Variants in NOL4 observed in about 807,000 individuals in gnomAD.
The protein encoded by NOL4 is nucleolar protein 4, also known as cancer/testis antigen 125.
A neutral mutation model predicts 75.9 loss-of-function variants in NOL4; 17 were observed. The observed-to-expected ratio is 0.22, with a 90% confidence interval of 0.15 to 0.34. The LOEUF (loss-of-function observed/expected upper bound fraction) is 0.34. Among genes scored for constraint, NOL4 ranks in the 10% least tolerant of loss-of-function variants. The pLI, the probability that NOL4 is intolerant of heterozygous loss-of-function variation, is 1.00. For synonymous variants in NOL4, 292 were observed against 289.9 expected, an observed-to-expected ratio of 1.01 and a Z score of -0.07; for missense variants, 614 against 793.5, an observed-to-expected ratio of 0.77 and a Z score of 2.72.
At chr18:33,997,161 C>A (rs1444127726) in intron 6 of NOL4, among the ~76,000 whole-genome samples, 1 of 151,612 alleles carries the variant, frequency 6.6e-6, no homozygotes, top group Non-Finnish European at 1.5e-5. Context: ...AATTTTTTGC[C>A]AAAGCGGATG....
At chr18:34,195,643 C>T (rs2035274018) in intron 1 of NOL4, among the ~76,000 whole-genome samples, 1 of 150,730 alleles carries the variant, frequency 6.6e-6, no homozygotes, top group Admixed American at 6.6e-5. Context: ...AAAAAAAAAG[C>T]TATTTAAATT....
chr18:34,156,041 T>G (rs1014790803), intron 1 of NOL4, among the ~76,000 whole-genome samples: 2 of 152,174 alleles, frequency 1.3e-5, no homozygotes, highest in African/African-American at 4.8e-5. Context: ...GATGCCTGTT[T>G]GTCAGAATAT....
At chr18:34,120,013 C>A (rs888841559) in intron 2 of NOL4, among the ~76,000 whole-genome samples, 5 of 152,112 alleles carry the variant, frequency 3.3e-5, no homozygotes, top group African/African-American at 1.2e-4. Context: ...TGGAGCCAAA[C>A]GTATTACAAA....
chr18:34,105,163 G>A lies in NOL4; in HGVS notation c.415-3C>T, dbSNP rs762174023. On this transcript the variant is annotated splice_region_variant and splice_polypyrimidine_tract_variant and intron_variant, in intron 2 of 10. Transcript: ENST00000261592. Reference sequence around the variant, plus strand: ...AGGAAGGCATAGCTCTCTGAAATCTGAAATGATTCACAAAATACAGGTGTT... The same window carrying A: ...AGGAAGGCATAGCTCTCTGAAATCTAAAATGATTCACAAAATACAGGTGTT... 1.3e-6 allele frequency: 2 copies of A among 1,577,070 alleles called. No individual in the cohort carries two copies. Among genetic ancestry groups the A allele is most frequent in the South Asian group, 1.1e-5 (1 of 90,330 alleles).
chr18:34,211,784 G>A (rs1326586639), intron 1 of NOL4, among the ~76,000 whole-genome samples: 2 of 152,040 alleles, frequency 1.3e-5, no homozygotes, highest in Non-Finnish European at 2.9e-5. Context: ...AGATAGAAAG[G>A]AAGAAAATCA....
chr18:34,022,104 C>CA (rs202197815), intron 5 of NOL4, among the ~76,000 whole-genome samples: 21,758 of 138,986 alleles, frequency 0.16, 1,676 homozygotes, highest in Middle Eastern at 0.23. Context: ...AACTGCATCT[C>CA]AAAAAAAATA....
At chr18:34,072,378 C>T (rs1051976975) in intron 5 of NOL4, among the ~76,000 whole-genome samples, 1 of 151,976 alleles carries the variant, frequency 6.6e-6, no homozygotes, top group Non-Finnish European at 1.5e-5. Context: ...CCCATAAAGA[C>T]CAATGGGTCA....
intron 5 of NOL4, among the ~76,000 whole-genome samples, chr18:34,024,977 C>A (rs1032094539): frequency 6.6e-6 from 1 of 151,988 alleles, no homozygotes; most frequent in African/African-American, 2.4e-5. Flanking sequence ...AGATGATATC[C>A]AACAACTACC....
intron 10 of NOL4, among the ~76,000 whole-genome samples, chr18:33,865,200 A>G (rs1258233810): frequency 6.6e-6 from 1 of 152,134 alleles, no homozygotes; most frequent in Non-Finnish European, 1.5e-5. Context: ...CAGTATCCTT[A>G]GGGACTTGGG....
chr18:34,021,947 T>C (rs567241509), intron 5 of NOL4, among the ~76,000 whole-genome samples: 1 of 151,890 alleles, frequency 6.6e-6, no homozygotes, highest in East Asian at 1.9e-4. Context: ...CTACTTAAAA[T>C]ACAAAAATTC....
intron 8 of NOL4, among the ~76,000 whole-genome samples, chr18:33,948,777 G>C (rs1363857733): frequency 2.0e-5 from 3 of 152,012 alleles, no homozygotes; most frequent in Admixed American, 1.3e-4. Context: ...GCCAAGTTTA[G>C]AGATTTGAAG....
chr18:33,959,088 G>C (rs955288580), intron 6 of NOL4, among the ~76,000 whole-genome samples: 9 of 152,074 alleles, frequency 5.9e-5, no homozygotes, highest in Admixed American at 4.6e-4. Flanking sequence ...TAAGTTTAAT[G>C]TTTCTGGATT....
chr18:34,024,465 T>A (rs1046214102), intron 5 of NOL4, among the ~76,000 whole-genome samples: 1 of 151,600 alleles, frequency 6.6e-6, no homozygotes, highest in East Asian at 1.9e-4. Context: ...AGAAAAAAAA[T>A]TAAAAATTCC....
chr18:34,029,891 C>A (rs1268272721), intron 5 of NOL4, among the ~76,000 whole-genome samples: 1 of 152,010 alleles, frequency 6.6e-6, no homozygotes, highest in African/African-American at 2.4e-5. Context: ...ACATAATAAC[C>A]AATTTTCAAT....
chr18:34,161,968 TTTAA>T (rs1397903465), intron 1 of NOL4, among the ~76,000 whole-genome samples: 1 of 152,128 alleles, frequency 6.6e-6, no homozygotes, highest in Non-Finnish European at 1.5e-5. Flanking sequence ...TAATTTTTAA[TTTAA>T]TTATCCTCCT....
At chr18:34,065,071 G>A (rs962512901) in intron 5 of NOL4, among the ~76,000 whole-genome samples, 4 of 151,804 alleles carry the variant, frequency 2.6e-5, no homozygotes, top group Non-Finnish European at 4.4e-5. Context: ...ATAAAAACAG[G>A]CAGTCAACTT....
At position 34,095,724 on chromosome 18, in the gene NOL4, C is replaced by T. The variant is rs561556655; in HGVS notation, c.640-2127G>A. On this transcript the variant is annotated intron_variant, in intron 4 of 10. Coordinates refer to ENST00000261592, the MANE Select transcript of NOL4 (RefSeq NM_003787.5). Reference sequence around the variant, plus strand: ...TATATGGAATATACAATACATTCTACAGTATATAAAATTATGCACATTTAT... The same window carrying T: ...TATATGGAATATACAATACATTCTATAGTATATAAAATTATGCACATTTAT... Among the ~76,000 whole-genome samples the T allele has an allele frequency of 2.6e-5, 4 of 152,098 alleles. No homozygotes were observed. In the South Asian group the frequency reaches 8.3e-4, roughly 32 times the overall value.
At chr18:34,203,546 T>C (rs1331804658) in intron 1 of NOL4, among the ~76,000 whole-genome samples, 1 of 151,982 alleles carries the variant, frequency 6.6e-6, no homozygotes, top group African/African-American at 2.4e-5. Context: ...TGAAAATTGT[T>C]ACCATTGGTG....
chr18:33,966,211 G>C (rs1021107737), intron 6 of NOL4, among the ~76,000 whole-genome samples: 1 of 152,046 alleles, frequency 6.6e-6, no homozygotes, highest in Non-Finnish European at 1.5e-5. Context: ...TGAAACATTA[G>C]ATTAAAAAGT....
Sources: gnomAD v4.1 joint callset for allele counts (sites outside exome capture counted in the v4.1 genomes callset) on GRCh38, gnomAD v4.1.1 for gene constraint, MANE v1.5 for transcripts, NCBI Gene and HGNC (gene_info 2026-07-23, HGNC 2026-07-21) for gene names.